The following ITPR2 variants were observed in gnomAD, a reference collection of about 807,000 sequenced individuals.
ITPR2 encodes the protein inositol 1,4,5-trisphosphate-gated calcium channel ITPR2.
A neutral mutation model predicts 317.1 loss-of-function variants in ITPR2; 207 were observed. That is an observed-to-expected ratio of 0.65 (90% confidence interval 0.58 to 0.73). ITPR2 has a LOEUF of 0.73. ITPR2 is among the 30% of genes least tolerant of loss of function. ITPR2 has a pLI of 0.00. For synonymous variants in ITPR2, 1,156 were observed against 1,149.1 expected (o/e 1.01, Z -0.12); for missense variants, 2,613 against 3,284.0 (o/e 0.80, Z 4.99).
chr12:26,824,328 A>G (rs570143477), intron 1 of ITPR2, among the ~76,000 whole-genome samples: 16 of 152,342 alleles, frequency 1.1e-4, no homozygotes, highest in African/African-American at 3.4e-4. Context: ...TGTAAATCAA[A>G]CCATCAAACC....
intron 45 of ITPR2, among the ~76,000 whole-genome samples, chr12:26,469,616 A>G (rs1412896243): frequency 6.6e-6 from 1 of 150,900 alleles, no homozygotes; most frequent in Non-Finnish European, 1.5e-5. Context: ...TTCATTGTCT[A>G]CTCTTCATTG....
At chr12:26,441,831 G>A (rs1200221678) in intron 46 of ITPR2, among the ~76,000 whole-genome samples, 2 of 151,956 alleles carry the variant, frequency 1.3e-5, no homozygotes, top group Non-Finnish European at 2.9e-5. Context: ...TAGCCCAGAG[G>A]ACATCCTTTT....
At chr12:26,511,091 C>G (rs1470282632) in intron 37 of ITPR2, among the ~76,000 whole-genome samples, 1 of 152,218 alleles carries the variant, frequency 6.6e-6, no homozygotes, top group Non-Finnish European at 1.5e-5. Context: ...TTTTCTCAGT[C>G]TCTTTTTTCC....
intron 44 of ITPR2, 114 bp from the exon 45 acceptor site, chr12:26,475,532 T>C (rs773756517): frequency 7.3e-5 from 81 of 1,110,234 alleles, no homozygotes; most frequent in South Asian, 6.6e-4. Context: ...ATAAAAGGAC[T>C]CTAAATGAAA....
chr12:26,472,168 T>C (rs147341337), intron 45 of ITPR2, among the ~76,000 whole-genome samples: 107 of 152,338 alleles, frequency 7.0e-4, no homozygotes, highest in African/African-American at 2.4e-3. Context: ...TGACTCCTTG[T>C]GTCACTATAA....
At chr12:26,657,592 G>A in intron 18 of ITPR2, 115 bp downstream of exon 18, 2 of 774,328 alleles carry the variant, frequency 2.6e-6, no homozygotes, top group Non-Finnish European at 4.3e-6. Context: ...CCCTAGTTCT[G>A]ACATGACTTT....
At chr12:26,701,996 G>T (rs1331346992) in intron 9 of ITPR2, among the ~76,000 whole-genome samples, 2 of 152,220 alleles carry the variant, frequency 1.3e-5, no homozygotes, top group East Asian at 1.9e-4. Context: ...CATAAACTGT[G>T]AAGGCTGATT....
At chr12:26,709,909 T>C (rs1948617181) in intron 9 of ITPR2, among the ~76,000 whole-genome samples, 1 of 152,196 alleles carries the variant, frequency 6.6e-6, no homozygotes. Flanking sequence ...AATAATGTGT[T>C]AGATACTTAA....
intron 32 of ITPR2, among the ~76,000 whole-genome samples, chr12:26,584,389 C>T (rs899179297): frequency 2.0e-5 from 3 of 152,180 alleles, no homozygotes; most frequent in Non-Finnish European, 4.4e-5. Flanking sequence ...ACTGGACATG[C>T]AGCACCTCAG....
intron 46 of ITPR2, among the ~76,000 whole-genome samples, chr12:26,442,525 T>C (rs9788087): frequency 0.036 from 5,522 of 152,246 alleles, 221 homozygotes; most frequent in East Asian, 0.18. Flanking sequence ...TGCTATTCCC[T>C]GGTCTCTTCT....
chr12:26,536,661 G>A (rs984976481), intron 37 of ITPR2, among the ~76,000 whole-genome samples: 1 of 150,724 alleles, frequency 6.6e-6, no homozygotes, highest in Non-Finnish European at 1.5e-5. Context: ...ACTGGGTGGT[G>A]GACTCTGGAA....
At chr12:26,364,925 C>T (rs1378269192) in intron 55 of ITPR2, among the ~76,000 whole-genome samples, 1 of 152,152 alleles carries the variant, frequency 6.6e-6, no homozygotes, top group East Asian at 1.9e-4. Flanking sequence ...GGAGCACTGT[C>T]CTGAGAGACC....
chr12:26,457,495 T>C (rs1941921034), intron 45 of ITPR2, among the ~76,000 whole-genome samples: 1 of 152,226 alleles, frequency 6.6e-6, no homozygotes. Flanking sequence ...ATCTGTGTTA[T>C]ATTTTTAAGG....
intron 21 of ITPR2, among the ~76,000 whole-genome samples, chr12:26,635,790 T>C (rs527762213): frequency 1.2e-4 from 19 of 152,352 alleles, no homozygotes; most frequent in African/African-American, 3.6e-4. Context: ...TTTCTAGAAC[T>C]AGAGCAGTTT....
intron 55 of ITPR2, among the ~76,000 whole-genome samples, chr12:26,354,530 C>A (rs1423408543): frequency 2.0e-5 from 3 of 152,168 alleles, no homozygotes; most frequent in Non-Finnish European, 4.4e-5. Flanking sequence ...GGCCAGCTCA[C>A]CAGCTAATGT....
chr12:26,408,325 C>A (rs1191319165), intron 52 of ITPR2, among the ~76,000 whole-genome samples: 3 of 152,178 alleles, frequency 2.0e-5, no homozygotes, highest in African/African-American at 7.2e-5. Context: ...AAGGTTTGTA[C>A]TGAATAGACT....
chr12:26,523,225 C>A (rs1021785268), intron 37 of ITPR2, among the ~76,000 whole-genome samples: 5 of 152,072 alleles, frequency 3.3e-5, no homozygotes, highest in African/African-American at 1.2e-4. Flanking sequence ...CATCTCTTTT[C>A]GTAAAAAGAT....
intron 21 of ITPR2, chr12:26,649,046 AGATT>A (rs1320454555): frequency 6.6e-6 from 1 of 152,216 alleles, no homozygotes; most frequent in East Asian, 1.9e-4. Context: ...TTTTCCTACC[AGATT>A]AATTATTTAA....
At chr12:26,676,151 C>T (rs965786141) in intron 13 of ITPR2, among the ~76,000 whole-genome samples, 8 of 150,936 alleles carry the variant, frequency 5.3e-5, no homozygotes, top group Non-Finnish European at 7.4e-5. Context: ...GAGCAAGACT[C>T]TATCTCAAAA....
Sources: gnomAD v4.1 joint callset for allele counts (sites outside exome capture counted in the v4.1 genomes callset) on GRCh38, gnomAD v4.1.1 for gene constraint, MANE v1.5 for transcripts, NCBI Gene and HGNC (gene_info 2026-07-23, HGNC 2026-07-21) for gene names.